RFFL: variants seen among roughly 807,000 people sequenced by gnomAD.
RFFL encodes ring finger and FYVE like domain containing E3 ubiquitin protein ligase, also known as E3 ubiquitin-protein ligase rififylin.
Under a neutral mutation model 40.4 loss-of-function variants are expected in RFFL, and 16 were observed. The observed-to-expected ratio is 0.40, with a 90% confidence interval of 0.27 to 0.60. The LOEUF is 0.60. RFFL is among the 20% of genes least tolerant of loss of function. RFFL has a pLI of 0.47. For synonymous variants in RFFL, 154 were observed against 167.9 expected, an observed-to-expected ratio of 0.92 and a Z score of 0.64; for missense variants, 367 against 451.7, an observed-to-expected ratio of 0.81 and a Z score of 1.70.
Position 35,026,530 on chromosome 17 carries a change from C to T in RFFL, c.24G>A (p.Trp8Ter). 6.2e-7 allele frequency: 1 copy of T among 1,612,060 alleles called. No homozygotes were observed. Among genetic ancestry groups the T allele is most frequent in the Non-Finnish European group, 8.5e-7 (1 of 1,179,368 alleles). The change falls in exon 2 of 7, where the codon TGG becomes TGA. Residue 8 changes from tryptophan (W) to a stop codon, truncating the protein, a stop_gained. Coordinates refer to ENST00000394597, the MANE Select transcript of RFFL (RefSeq NM_001017368.2). LOFTEE classifies it high-confidence loss of function. ...CCTCAGGCTGTCCATCCAGGCAGAA[C>T]CAGTTGCAGCAGGTTGCCCACATGA... MWATCCN[W>*]FCLDGQPEEV...
chr17:35,028,107 G>T (rs2091055811), intron 1 of RFFL, among the ~76,000 whole-genome samples: 1 of 151,976 alleles, frequency 6.6e-6, no homozygotes, highest in Non-Finnish European at 1.5e-5. Flanking sequence ...AGCCAAGGTG[G>T]GAAGATTGCT....
chr17:35,014,789 G>A (rs781132490), intron 5 of RFFL, 26 bp from the exon 6 acceptor site: 1 of 1,608,176 alleles, frequency 6.2e-7, no homozygotes, highest in Non-Finnish European at 8.5e-7. Context: ...AAGGATGTCT[G>A]AATAGGTAAG....
chr17:35,042,552 T>C lies in RFFL; in HGVS notation c.-8-15991A>G, dbSNP rs143269553. On this transcript the variant is annotated intron_variant, in intron 1 of 6. Transcript: ENST00000394597. ...TAAATAATTCGGTGGCCGGGCGCAG[T>C]GGCTCACACCTGTAATCCCAGCACT... is the stretch of plus-strand genomic sequence containing the variant. 2.8e-3 allele frequency among the ~76,000 whole-genome samples: 427 copies of C among 152,156 alleles called. 1 individual carries two copies. The highest frequency in any genetic ancestry group is 9.6e-3 in the African/African-American group (399 of 41,522).
intron 1 of RFFL, among the ~76,000 whole-genome samples, chr17:35,052,101 G>A (rs1300829357): frequency 6.6e-6 from 1 of 152,156 alleles, no homozygotes; most frequent in African/African-American, 2.4e-5. Flanking sequence ...AAAAATTTGA[G>A]GATTCAATAT....
In RFFL at chr17:35,083,713, G is replaced by A. The variant is rs569851529; in HGVS notation, c.-9+5392C>T. Among the ~76,000 whole-genome samples, 9 of 149,692 alleles carry A rather than the reference G, an allele frequency of 6.0e-5. No homozygotes were observed. The South Asian group carries it at 6.4e-4, about 11-fold the overall frequency. On this transcript the variant is annotated intron_variant, in intron 1 of 6. Transcript: ENST00000315249. ...GGAGAACTGCTTGAACCCAGGAGGC[G>A]GAGGTTGCAGTGAGCCAAGATCACA...
intron 1 of RFFL, among the ~76,000 whole-genome samples, chr17:35,083,850 T>C (rs2091415413): frequency 1.3e-5 from 2 of 151,274 alleles, no homozygotes; most frequent in Non-Finnish European, 2.9e-5. Flanking sequence ...CCATGGGGCC[T>C]GATGTACAGG....
intron 1 of RFFL, among the ~76,000 whole-genome samples, chr17:35,080,539 T>C (rs2091398716): frequency 6.6e-6 from 1 of 152,170 alleles, no homozygotes; most frequent in South Asian, 2.1e-4. Flanking sequence ...GAGAGGAGGA[T>C]GCACGATTTA....
At chr17:35,056,926 T>C (rs2091264939) in intron 1 of RFFL, among the ~76,000 whole-genome samples, 1 of 151,558 alleles carries the variant, frequency 6.6e-6, no homozygotes, top group African/African-American at 2.4e-5. Context: ...CTTTTTCTTT[T>C]TTTTTGAGAC....
intron 1 of RFFL, among the ~76,000 whole-genome samples, chr17:35,071,546 A>T (rs1332271428): frequency 6.6e-6 from 1 of 151,872 alleles, no homozygotes; most frequent in Non-Finnish European, 1.5e-5. Flanking sequence ...TGAACCCAGG[A>T]GGCAGAGGTT....
intron 1 of RFFL, among the ~76,000 whole-genome samples, chr17:35,041,979 C>A (rs1245277378): frequency 6.6e-6 from 1 of 152,146 alleles, no homozygotes; most frequent in Non-Finnish European, 1.5e-5. Context: ...CACACCACTG[C>A]ACTCCAGCCT....
In RFFL at chr17:35,011,956, C is replaced by T. The variant is rs371219702; in HGVS notation, c.*12G>A. The stretch of plus-strand genomic sequence containing the variant: ...TTTCCCTGTAAGGCACTGAAGAAAC[C>T]GATGCAAGCTCTCAGGACCGGAAGA... On this transcript the variant is annotated 3_prime_UTR_variant, in exon 7 of 7. Transcript: ENST00000394597. 3 of 1,612,608 alleles carry T rather than the reference C, an allele frequency of 1.9e-6. No individual in the cohort carries two copies. The highest frequency in any genetic ancestry group is 1.3e-5 in the African/African-American group (1 of 74,904).
rs574385188 is a variant in RFFL, at chr17:35,011,412, T to C, written c.*556A>G. The C allele has an allele frequency of 6.5e-6, 1 of 153,158 alleles. No homozygotes were observed. Among genetic ancestry groups the C allele is most frequent in the South Asian group, 2.1e-4 (1 of 4,878 alleles). 9.5% of individuals were successfully genotyped at this position (153,158 alleles called of 1,614,324 possible). A position where few individuals can be genotyped will look rare whatever the true frequency, so the allele number is the denominator to read the frequency against. ...GATAAGTTTACTGGTCTAAAATCTG[T>C]CCTAAGGACCACTATCGGTCTGGTA... On this transcript the variant is annotated 3_prime_UTR_variant, in exon 7 of 7. Transcript: ENST00000394597.
chr17:35,060,629 C>T (rs2091285891), intron 1 of RFFL, among the ~76,000 whole-genome samples: 1 of 152,086 alleles, frequency 6.6e-6, no homozygotes, highest in Non-Finnish European at 1.5e-5. Flanking sequence ...CTCAGCAAAC[C>T]CTTTAAATCT....
intron 2 of RFFL, among the ~76,000 whole-genome samples, chr17:35,024,440 C>T (rs1267658548): frequency 6.6e-6 from 1 of 152,152 alleles, no homozygotes; most frequent in Non-Finnish European, 1.5e-5. Context: ...ACTGGTCCAA[C>T]TAAAGAGGCT....
At chr17:35,039,803 G>A (rs551474686) in intron 1 of RFFL, among the ~76,000 whole-genome samples, 11 of 151,826 alleles carry the variant, frequency 7.2e-5, no homozygotes, top group African/African-American at 1.2e-4. Context: ...TCAGCCTCCC[G>A]AGTATCTGGG....
intron 1 of RFFL, among the ~76,000 whole-genome samples, chr17:35,027,122 C>T (rs1287250018): frequency 1.3e-5 from 2 of 152,224 alleles, no homozygotes; most frequent in Non-Finnish European, 2.9e-5. Context: ...CCCAGGTCTT[C>T]TGACTCCAAA....
intron 1 of RFFL, among the ~76,000 whole-genome samples, chr17:35,038,637 G>C (rs1192013807): frequency 1.3e-5 from 2 of 152,192 alleles, no homozygotes; most frequent in African/African-American, 4.8e-5. Flanking sequence ...CTTATGTTGA[G>C]CAAAAGCAGG....
chr17:35,052,649 C>A (rs535741740), intron 1 of RFFL, among the ~76,000 whole-genome samples: 2 of 152,212 alleles, frequency 1.3e-5, no homozygotes, highest in African/African-American at 2.4e-5. Context: ...ACTTAAAAAC[C>A]TGAAATTCTG....
At chr17:35,012,281 T>A in intron 6 of RFFL, 132 bp from the exon 7 acceptor site, 1 of 707,014 alleles carries the variant, frequency 1.4e-6, no homozygotes, top group Non-Finnish European at 2.3e-6. Context: ...TGCACATGCT[T>A]CCCTCAAATA....
Sources: gnomAD v4.1 joint callset for allele counts (sites outside exome capture counted in the v4.1 genomes callset) on GRCh38, gnomAD v4.1.1 for gene constraint, MANE v1.5 for transcripts, NCBI Gene and HGNC (gene_info 2026-07-23, HGNC 2026-07-21) for gene names.